The following MAK variants were observed in gnomAD, a reference collection of about 807,000 sequenced individuals.
MAK encodes male germ cell associated kinase.
MAK carries 65 observed loss-of-function variants against 82.6 expected under a neutral mutation model. That is an observed-to-expected ratio of 0.79 (90% CI 0.64 to 0.97). The LOEUF (loss-of-function observed/expected upper bound fraction) is 0.97. Among genes scored for constraint, MAK ranks in the 50% least tolerant of loss-of-function variants. The pLI is 0.00. For synonymous variants in MAK, 250 were observed against 274.2 expected, an observed-to-expected ratio of 0.91 and a Z score of 0.87; for missense variants, 703 against 780.2, an observed-to-expected ratio of 0.90 and a Z score of 1.18.
At chr6:10,805,414 C>T (rs1776358483) in intron 6 of MAK, among the ~76,000 whole-genome samples, 1 of 151,680 alleles carries the variant, frequency 6.6e-6, no homozygotes. Flanking sequence ...GGTGAAACCC[C>T]GTCTCTACTA....
At chr6:10,774,872 A>G (rs1773331972) in intron 12 of MAK, among the ~76,000 whole-genome samples, 2 of 152,266 alleles carry the variant, frequency 1.3e-5, no homozygotes. Flanking sequence ...TCTTTTCAGA[A>G]TAGAAACTCC....
chr6:10,780,462 T>G (rs1209658210), intron 11 of MAK, among the ~76,000 whole-genome samples: 1 of 150,244 alleles, frequency 6.7e-6, no homozygotes, highest in Non-Finnish European at 1.5e-5. Context: ...GGTTTTTTTT[T>G]TTTTTTTTTT....
In MAK at chr6:10,763,686, A is replaced by G. The variant is rs1432760782; in HGVS notation, c.*766T>C. 1 of 152,066 alleles carries G rather than the reference A, an allele frequency of 6.6e-6. No individual in the cohort carries two copies. Among genetic ancestry groups the G allele is most frequent in the Non-Finnish European group, 1.5e-5 (1 of 68,088 alleles). 9.4% of individuals were successfully genotyped at this position (152,066 alleles called of 1,614,324 possible). A position where few individuals can be genotyped will look rare whatever the true frequency, so the allele number is the denominator to read the frequency against. On this transcript the variant is annotated 3_prime_UTR_variant, in exon 15 of 15. Coordinates refer to ENST00000354489, the MANE Select transcript of MAK (RefSeq NM_001242957.3). ...ACCAACATGGTGAAACCCTGTCTCT[A>G]CTAATACTACAAAAATTAGCCAGGC... is the stretch of plus-strand genomic sequence containing the variant.
At chr6:10,836,093 C>T (rs929823606) in intron 1 of MAK, among the ~76,000 whole-genome samples, 2 of 152,180 alleles carry the variant, frequency 1.3e-5, no homozygotes, top group African/African-American at 4.8e-5. Context: ...TGTCTTTCAA[C>T]GGATGATGGC....
At position 10,813,270 on chromosome 6, in the gene MAK, T is replaced by A. The variant is rs569644414; in HGVS notation, c.358+374A>T. Among the ~76,000 whole-genome samples, 320 of 143,028 alleles carry A rather than the reference T, an allele frequency of 2.2e-3. 9 individuals are homozygous for A. In the Admixed American group the frequency reaches 0.023, roughly 10 times the overall value. The allele number at this position is 143,028 out of a possible 152,430, so 93.8% of individuals were successfully genotyped here. A position where few individuals can be genotyped will look rare whatever the true frequency, so the allele number is the denominator to read the frequency against. On this transcript the variant is annotated intron_variant, in intron 5 of 14. Coordinates refer to ENST00000354489, the MANE Select transcript of MAK (RefSeq NM_001242957.3). ...TTCAAGCAATTCTCCTGCCTCAACC[T>A]CCTGAGTAGCTGGGATTACAGGCGC...
chr6:10,804,475 G>A (rs757702629), intron 6 of MAK, among the ~76,000 whole-genome samples: 1 of 152,040 alleles, frequency 6.6e-6, no homozygotes, highest in Non-Finnish European at 1.5e-5. Context: ...CCCGAGCAGC[G>A]GGGATTACAG....
chr6:10,826,833 C>T (rs185153596), intron 2 of MAK, among the ~76,000 whole-genome samples: 4 of 152,210 alleles, frequency 2.6e-5, no homozygotes, highest in Admixed American at 2.0e-4. Context: ...TACAGTAGGC[C>T]GGGCACGGTG....
intron 4 of MAK, among the ~76,000 whole-genome samples, chr6:10,816,575 G>A (rs898302807): frequency 6.6e-6 from 1 of 151,986 alleles, no homozygotes; most frequent in East Asian, 1.9e-4. Context: ...TAATTTTTCA[G>A]TATTCTAATC....
intron 14 of MAK, among the ~76,000 whole-genome samples, chr6:10,765,873 T>G (rs1004858952): frequency 7.2e-5 from 11 of 152,230 alleles, no homozygotes; most frequent in Non-Finnish European, 1.6e-4. Flanking sequence ...ACAAGGTTGT[T>G]TCATTCATAT....
intron 5 of MAK, 50 bp from the exon 6 acceptor site, chr6:10,808,992 C>A (rs1472355148): frequency 6.8e-7 from 1 of 1,470,652 alleles, no homozygotes; most frequent in East Asian, 2.3e-5. Context: ...TACGTTTAAA[C>A]ATAGCTTTAT....
At chr6:10,832,127 A>G (rs1297700251) in intron 1 of MAK, among the ~76,000 whole-genome samples, 1 of 152,120 alleles carries the variant, frequency 6.6e-6, no homozygotes, top group East Asian at 1.9e-4. Context: ...CTGGGATTAC[A>G]GGTGCGCACC....
intron 8 of MAK, among the ~76,000 whole-genome samples, chr6:10,798,266 C>T (rs930307541): frequency 1.3e-5 from 2 of 152,002 alleles, no homozygotes; most frequent in African/African-American, 4.8e-5. Flanking sequence ...AGGCACACGC[C>T]ACCATGCCCA....
chr6:10,831,808 T>G (rs1401694966), intron 1 of MAK, among the ~76,000 whole-genome samples: 1 of 152,080 alleles, frequency 6.6e-6, no homozygotes. Context: ...GTGACTGAAA[T>G]GTTGTAACCT....
intron 1 of MAK, among the ~76,000 whole-genome samples, chr6:10,834,240 T>C (rs1779006138): frequency 6.6e-6 from 1 of 152,186 alleles, no homozygotes; most frequent in Non-Finnish European, 1.5e-5. Context: ...TGATTCTTTC[T>C]GATTAAGTAA....
Position 10,787,588 on chromosome 6 carries a change from G to T in MAK, c.1317-3016C>A, listed in dbSNP as rs1040512078. 4.6e-5 allele frequency among the ~76,000 whole-genome samples: 7 copies of T among 152,358 alleles called. No homozygotes were observed. The East Asian group carries it at 1.3e-3, about 29-fold the overall frequency. The stretch of plus-strand genomic sequence containing the variant: ...AATGTAGAAGAAATGGCTGGGCGCA[G>T]TGGCTCACGCCTGTAATCCCAGCAC... On this transcript the variant is annotated intron_variant, in intron 10 of 14. Transcript: ENST00000354489.
chr6:10,781,791 A>G (rs1192291402), intron 11 of MAK, among the ~76,000 whole-genome samples: 1 of 152,040 alleles, frequency 6.6e-6, no homozygotes, highest in East Asian at 1.9e-4. Context: ...ATATGTATAC[A>G]TTTTTTCATC....
At chr6:10,817,346 C>G (rs149216068) in intron 4 of MAK, among the ~76,000 whole-genome samples, 88 of 152,330 alleles carry the variant, frequency 5.8e-4, no homozygotes, top group African/African-American at 2.0e-3. Flanking sequence ...TTTACAGATT[C>G]TGCCCACACA....
At chr6:10,822,800 C>T (rs1270212267) in intron 2 of MAK, among the ~76,000 whole-genome samples, 4 of 152,134 alleles carry the variant, frequency 2.6e-5, no homozygotes, top group Non-Finnish European at 4.4e-5. Context: ...AGAACTACCT[C>T]TCAAGTTCTT....
chr6:10,770,969 G>C (rs767311778), intron 13 of MAK, among the ~76,000 whole-genome samples: 5 of 152,110 alleles, frequency 3.3e-5, no homozygotes, highest in Non-Finnish European at 7.4e-5. Flanking sequence ...TAGGGAAAGA[G>C]GGAAATATAA....
Sources: gnomAD v4.1 joint callset for allele counts (sites outside exome capture counted in the v4.1 genomes callset) on GRCh38, gnomAD v4.1.1 for gene constraint, MANE v1.5 for transcripts, NCBI Gene and HGNC (gene_info 2026-07-23, HGNC 2026-07-21) for gene names.